AIF1L: variants seen among roughly 807,000 people sequenced by gnomAD.
AIF1L encodes the protein allograft inflammatory factor 1-like.
A neutral mutation model predicts 20.7 loss-of-function variants in AIF1L; 12 were observed. That is an observed-to-expected ratio of 0.58 (90% CI 0.37 to 0.94). AIF1L has a LOEUF of 0.94. AIF1L is among the 40% of genes least tolerant of loss of function. The probability of loss-of-function intolerance (pLI) is 0.01; values close to 1 mark genes in which losing one functional copy is unlikely to be tolerated. For missense variants in AIF1L, 173 were observed against 185.3 expected, an observed-to-expected ratio of 0.93 and a Z score of 0.39; for synonymous variants, 76 against 65.1, an observed-to-expected ratio of 1.17 and a Z score of -0.81.
intron 5 of AIF1L, among the ~76,000 whole-genome samples, chr9:131,119,895 A>G (rs353515): frequency 0.68 from 104,146 of 152,126 alleles, 36,545 homozygotes; most frequent in Admixed American, 0.78. Flanking sequence ...GGCGTGGCCC[A>G]GCCTGGCTCA....
At chr9:131,111,435 C>A in intron 2 of AIF1L, 162 bp from the exon 3 acceptor site, 1 of 686,722 alleles carries the variant, frequency 1.5e-6, no homozygotes, top group Non-Finnish European at 2.6e-6. Flanking sequence ...CAGTGCAGAT[C>A]TGCCTCCAAG....
Position 131,096,879 on chromosome 9 carries a change from A to T in AIF1L, c.93+16A>T. The T allele has an allele frequency of 6.6e-7, 1 of 1,526,182 alleles. No homozygotes were observed. The highest frequency in any genetic ancestry group is 2.1e-5 in the Admixed American group (1 of 47,272). 94.5% of individuals were successfully genotyped at this position (1,526,182 alleles called of 1,614,324 possible). On this transcript the variant is annotated intron_variant, in intron 2 of 5. Coordinates refer to ENST00000247291, the MANE Select transcript of AIF1L (RefSeq NM_031426.4). Reference sequence around the variant, plus strand: ...GATCAACCGGGTAAGCCCCGCGCCCAGGGCAGCACGCGAGTCCCGAGCCGC... The same window carrying T: ...GATCAACCGGGTAAGCCCCGCGCCCTGGGCAGCACGCGAGTCCCGAGCCGC...
At chr9:131,115,751 A>T (rs1332458842) in intron 4 of AIF1L, among the ~76,000 whole-genome samples, 1 of 151,872 alleles carries the variant, frequency 6.6e-6, no homozygotes, top group Non-Finnish European at 1.5e-5. Flanking sequence ...AGGCGGGCGG[A>T]TCACATGAGA....
At chr9:131,098,070 G>A (rs1830562729) in intron 2 of AIF1L, 2 of 152,920 alleles carry the variant, frequency 1.3e-5, no homozygotes, top group African/African-American at 2.4e-5. Context: ...GGCTGTGGGA[G>A]GCGGGTCCGA....
rs1235224235 is a variant in AIF1L at position 131,122,600 on chromosome 9, G to A, written c.*2278G>A. ...ACTACCCATCATATTCAGTGTCCCT[G>A]TTCCTCACTCAGAGAGGAAGGCAGA... On this transcript the variant is annotated 3_prime_UTR_variant, in exon 6 of 6. Coordinates refer to ENST00000247291, the MANE Select transcript of AIF1L (RefSeq NM_031426.4). 1 of 152,092 alleles carries A rather than the reference G, an allele frequency of 6.6e-6. No homozygotes were observed. The highest frequency in any genetic ancestry group is 1.5e-5 in the Non-Finnish European group (1 of 68,040). 9.4% of individuals were successfully genotyped at this position (152,092 alleles called of 1,614,324 possible).
chr9:131,111,489 G>T, intron 2 of AIF1L, 108 bp from the exon 3 acceptor site: 1 of 989,042 alleles, frequency 1.0e-6, no homozygotes, highest in South Asian at 1.4e-5. Context: ...ACTGGGTCTG[G>T]TCGCACCTGG....
intron 2 of AIF1L, among the ~76,000 whole-genome samples, chr9:131,097,859 C>G (rs141199066): frequency 1.4e-3 from 219 of 152,380 alleles, no homozygotes; most frequent in African/African-American, 5.0e-3. Context: ...ACCCAGCATT[C>G]AGGAAGCACT....
chr9:131,097,129 G>A (rs936788198), intron 2 of AIF1L, among the ~76,000 whole-genome samples: 2 of 152,090 alleles, frequency 1.3e-5, no homozygotes, highest in Non-Finnish European at 2.9e-5. Context: ...TCAGGAGCTC[G>A]GATGCCAGCC....
At chr9:131,111,559 C>A in intron 2 of AIF1L, 38 bp from the exon 3 acceptor site, 1 of 1,596,806 alleles carries the variant, frequency 6.3e-7, no homozygotes, top group African/African-American at 1.3e-5. Context: ...ACTTCTGTCC[C>A]CAGTCCCTTG....
chr9:131,096,772 C>T (rs1441460190), intron 1 of AIF1L, 30 bp from the exon 2 acceptor site: 2 of 1,516,336 alleles, frequency 1.3e-6, no homozygotes, highest in African/African-American at 1.4e-5. Context: ...GAGGACCCCG[C>T]TTCCCAGGCC....
chr9:131,110,345 C>G (rs1372587838), intron 2 of AIF1L, among the ~76,000 whole-genome samples: 1 of 152,070 alleles, frequency 6.6e-6, no homozygotes, highest in Non-Finnish European at 1.5e-5. Flanking sequence ...CCTGAAAGGA[C>G]TCATTTGAGT....
chr9:131,101,001 G>A (rs1232712873), intron 2 of AIF1L, among the ~76,000 whole-genome samples: 1 of 152,138 alleles, frequency 6.6e-6, no homozygotes, highest in Non-Finnish European at 1.5e-5. Context: ...AAGTTTACGC[G>A]ATTCTTCTGC....
At chr9:131,114,161 C>A (rs1830956077) in intron 3 of AIF1L, 1 of 215,170 alleles carries the variant, frequency 4.6e-6, no homozygotes, top group Non-Finnish European at 9.6e-6. Context: ...ATCAGAACTG[C>A]CTGGGACGCT....
Position 131,122,860 on chromosome 9 carries a change from C to G in AIF1L, c.*2538C>G, listed in dbSNP as rs571033410. The G allele has an allele frequency of 6.6e-6, 1 of 152,298 alleles. No homozygotes were observed. Among genetic ancestry groups the G allele is most frequent in the Non-Finnish European group, 1.5e-5 (1 of 68,140 alleles). 9.4% of individuals were successfully genotyped at this position (152,298 alleles called of 1,614,324 possible). A position where few individuals can be genotyped will look rare whatever the true frequency, so the allele number is the denominator to read the frequency against. ...TCAAGAGTTGTCCCTGGAAGGAGGG[C>G]GGGGGCAGTCTGCATCTATTTCAGG... On this transcript the variant is annotated 3_prime_UTR_variant, in exon 6 of 6. Transcript: ENST00000247291.
rs533070012 is a variant in AIF1L at position 131,103,365 on chromosome 9, T to C, written c.93+6502T>C. On this transcript the variant is annotated intron_variant, in intron 2 of 5. Coordinates refer to ENST00000247291, the MANE Select transcript of AIF1L (RefSeq NM_031426.4). ...CAGGGCATCACGGAGGAGCACAGCA[T>C]GGTCGGTGGGTGATGTTCTTTCCCT... is the stretch of plus-strand genomic sequence containing the variant. 3.3e-5 allele frequency among the ~76,000 whole-genome samples: 5 copies of C among 152,308 alleles called. No homozygotes were observed. In the South Asian group the frequency reaches 8.3e-4, roughly 25 times the overall value.
intron 2 of AIF1L, chr9:131,111,312 G>C (rs532586078): frequency 2.4e-4 from 86 of 360,560 alleles, no homozygotes; most frequent in African/African-American, 1.7e-3. Flanking sequence ...TGGGGGAGGG[G>C]CACGGGTCCC....
chr9:131,097,248 G>A (rs779242762), intron 2 of AIF1L, among the ~76,000 whole-genome samples: 2 of 152,196 alleles, frequency 1.3e-5, no homozygotes, highest in Non-Finnish European at 2.9e-5. Context: ...CGGGTCATTT[G>A]CTGGTCTGTC....
intron 2 of AIF1L, among the ~76,000 whole-genome samples, chr9:131,104,312 T>G (rs1830698255): frequency 6.6e-6 from 1 of 152,162 alleles, no homozygotes; most frequent in African/African-American, 2.4e-5. Context: ...TGGGTTAGAT[T>G]GTGTGAGGAG....
rs575052473 is a variant in AIF1L, at chr9:131,111,112, G to A, written c.94-485G>A. ...AATCGCTTGAACCCAGGAGGTGGAG[G>A]TTGCAGTGAGCTGAGATCGCGCCAT... On this transcript the variant is annotated intron_variant, in intron 2 of 5. Transcript: ENST00000247291. Among the ~76,000 whole-genome samples, 17 of 151,820 alleles carry A rather than the reference G, an allele frequency of 1.1e-4. No homozygotes were observed. In the East Asian group the frequency reaches 3.3e-3, roughly 30 times the overall value.
Sources: gnomAD v4.1 joint callset for allele counts (sites outside exome capture counted in the v4.1 genomes callset) on GRCh38, gnomAD v4.1.1 for gene constraint, MANE v1.5 for transcripts, NCBI Gene and HGNC (gene_info 2026-07-23, HGNC 2026-07-21) for gene names.